KCNN2: variants seen among roughly 807,000 people sequenced by gnomAD.
The protein encoded by KCNN2 is small conductance calcium-activated potassium channel protein 2.
Under a neutral mutation model 55.5 loss-of-function variants are expected in KCNN2, and 24 were observed. That is an observed-to-expected ratio of 0.43 (90% confidence interval 0.31 to 0.61). KCNN2 has a LOEUF of 0.61. Ranked by LOEUF, KCNN2 falls within the 20% of genes least tolerant of loss-of-function variation. The pLI is 0.08. For missense variants in KCNN2, 754 were observed against 853.6 expected (o/e 0.88, Z 1.45); for synonymous variants, 431 against 336.1 (o/e 1.28, Z -3.09).
At chr5:114,324,122 T>G (rs1756671200) in intron 2 of KCNN2, among the ~76,000 whole-genome samples, 1 of 152,164 alleles carries the variant, frequency 6.6e-6, no homozygotes, top group South Asian at 2.1e-4. Context: ...ATTTGACCAT[T>G]TTTTTGTCAT....
chr5:114,413,879 C>T (rs1759215046), intron 3 of KCNN2, among the ~76,000 whole-genome samples: 1 of 152,116 alleles, frequency 6.6e-6, no homozygotes. Flanking sequence ...CTGTAATTAT[C>T]CATATATACA....
intron 1 of KCNN2, among the ~76,000 whole-genome samples, chr5:114,109,580 G>A (rs1033967121): frequency 6.6e-6 from 1 of 152,068 alleles, no homozygotes; most frequent in Admixed American, 6.6e-5. Flanking sequence ...ACCTTGGAGA[G>A]TAATGACACA....
chr5:114,320,650 C>G (rs924301567), intron 2 of KCNN2, among the ~76,000 whole-genome samples: 6 of 152,020 alleles, frequency 3.9e-5, no homozygotes, highest in Non-Finnish European at 8.8e-5. Flanking sequence ...ATCCCAAGCC[C>G]CTCCCTCTCC....
At chr5:114,249,587 C>T (rs972757282) in intron 2 of KCNN2, among the ~76,000 whole-genome samples, 5 of 151,788 alleles carry the variant, frequency 3.3e-5, no homozygotes, top group Non-Finnish European at 7.4e-5. Flanking sequence ...GTGCCTGGCC[C>T]TCAGTACATT....
At chr5:114,446,288 C>G (rs769595103) in intron 3 of KCNN2, among the ~76,000 whole-genome samples, 5 of 152,118 alleles carry the variant, frequency 3.3e-5, no homozygotes, top group African/African-American at 1.2e-4. Flanking sequence ...ATTATATCTT[C>G]TGTGTCCTAT....
chr5:114,470,477 A>G (rs1296531889), intron 4 of KCNN2, among the ~76,000 whole-genome samples: 2 of 152,086 alleles, frequency 1.3e-5, no homozygotes, highest in Admixed American at 6.6e-5. Flanking sequence ...TACAGCAGGT[A>G]GCTTTATGGT....
At chr5:114,188,109 G>A (rs566172620) in intron 1 of KCNN2, among the ~76,000 whole-genome samples, 19 of 152,234 alleles carry the variant, frequency 1.2e-4, no homozygotes, top group African/African-American at 3.6e-4. Flanking sequence ...CACTGAGCCC[G>A]GCCGTCTCTG....
chr5:114,192,248 A>C (rs1753464987), intron 1 of KCNN2, among the ~76,000 whole-genome samples: 1 of 152,246 alleles, frequency 6.6e-6, no homozygotes, highest in South Asian at 2.1e-4. Flanking sequence ...ACATCACGTG[A>C]CTTTTAATGT....
At position 114,449,879 on chromosome 5, in the gene KCNN2, TACACACAC is replaced by T. The variant is rs745574908; in HGVS notation, c.1638-13147_1638-13140del. On this transcript the variant is annotated intron_variant, in intron 3 of 7. Coordinates refer to ENST00000673685, the MANE Select transcript of KCNN2 (RefSeq NM_021614.4). ...TTAGAATAGAGTAAGCATCCAAACATACACACACACACACACACACACACACACACGCG... is the reference window on the plus strand; with the variant it reads ...TTAGAATAGAGTAAGCATCCAAACATACACACACACACACACACACACGCG... Among the ~76,000 whole-genome samples, 469 of 93,454 alleles carry T rather than the reference TACACACAC, an allele frequency of 5.0e-3. 2 individuals carry two copies. Among genetic ancestry groups the T allele is most frequent in the Non-Finnish European group, 8.5e-3 (328 of 38,564 alleles). 61.3% of individuals were successfully genotyped at this position (93,454 alleles called of 152,430 possible). A position where few individuals can be genotyped will look rare whatever the true frequency, so the allele number is the denominator to read the frequency against.
intron 1 of KCNN2, among the ~76,000 whole-genome samples, chr5:114,084,296 C>G (rs1449662575): frequency 6.6e-6 from 1 of 151,990 alleles, no homozygotes; most frequent in Non-Finnish European, 1.5e-5. Flanking sequence ...GTATTTACAC[C>G]AACAATGAAG....
chr5:114,092,609 C>T (rs2112557373), intron 1 of KCNN2, among the ~76,000 whole-genome samples: 1 of 152,324 alleles, frequency 6.6e-6, no homozygotes, highest in Non-Finnish European at 1.5e-5. Context: ...TCCATGAGGG[C>T]TCCATCCCTG....
intron 1 of KCNN2, among the ~76,000 whole-genome samples, chr5:114,220,928 G>C (rs1244965731): frequency 1.3e-5 from 2 of 151,970 alleles, no homozygotes; most frequent in Non-Finnish European, 2.9e-5. Context: ...AATAAGAAAT[G>C]TAACAATGGA....
At chr5:114,103,599 A>G (rs1443054018) in intron 1 of KCNN2, among the ~76,000 whole-genome samples, 3 of 152,144 alleles carry the variant, frequency 2.0e-5, no homozygotes, top group African/African-American at 7.2e-5. Context: ...GGTACATTTT[A>G]TCAATGCCTA....
chr5:114,134,556 A>G (rs2112616743), intron 1 of KCNN2, among the ~76,000 whole-genome samples: 1 of 151,192 alleles, frequency 6.6e-6, no homozygotes, highest in South Asian at 2.1e-4. Context: ...GCTCACTGCA[A>G]CCTCCGCCCT....
chr5:114,148,709 G>C (rs185235300), intron 1 of KCNN2, among the ~76,000 whole-genome samples: 63 of 152,286 alleles, frequency 4.1e-4, no homozygotes, highest in Non-Finnish European at 8.2e-4. Context: ...CAATGGCTTA[G>C]TAGAAGAAGA....
intron 1 of KCNN2, among the ~76,000 whole-genome samples, chr5:114,082,196 G>A (rs1053417065): frequency 3.3e-5 from 5 of 151,930 alleles, no homozygotes; most frequent in Non-Finnish European, 7.4e-5. Flanking sequence ...ATGGTGGCAT[G>A]TACCTGTAGT....
intron 1 of KCNN2, among the ~76,000 whole-genome samples, chr5:114,134,460 T>TTTAC (rs371465985): frequency 2.2e-5 from 1 of 46,300 alleles, no homozygotes; most frequent in African/African-American, 4.9e-5. Context: ...CCAACCATGA[T>TTTAC]TTATTTATTT....
In KCNN2 at chr5:114,160,547, C is replaced by T. The variant is rs559293623; in HGVS notation, c.-270-60933C>T. ...ACTTGGTGCAGAGCTGAGTTCAATT[C>T]CTGGATATCCTTTTTAACTTTCTGT... is the stretch of plus-strand genomic sequence containing the variant. On this transcript the variant is annotated intron_variant, in intron 1 of 10. Coordinates refer to the KCNN2 transcript ENST00000512097. Among the ~76,000 whole-genome samples, 763 of 152,204 alleles carry T rather than the reference C, an allele frequency of 5.0e-3. 9 individuals are homozygous for T. Among genetic ancestry groups the T allele is most frequent in the African/African-American group, 0.018 (728 of 41,516 alleles).
chr5:114,466,339 G>A (rs756225633), intron 4 of KCNN2, among the ~76,000 whole-genome samples: 7 of 152,062 alleles, frequency 4.6e-5, no homozygotes, highest in Non-Finnish European at 8.8e-5. Context: ...GGTTGAAGAT[G>A]GTAGGCAAGT....
Sources: gnomAD v4.1 joint callset for allele counts (sites outside exome capture counted in the v4.1 genomes callset) on GRCh38, gnomAD v4.1.1 for gene constraint, MANE v1.5 for transcripts, NCBI Gene and HGNC (gene_info 2026-07-23, HGNC 2026-07-21) for gene names.